LRP1B: variants seen among roughly 807,000 people sequenced by gnomAD.
The protein encoded by LRP1B is low-density lipoprotein receptor-related protein 1B.
A neutral mutation model predicts 556.6 loss-of-function variants in LRP1B; 217 were observed. That is an observed-to-expected ratio of 0.39 (90% CI 0.35 to 0.44). The LOEUF (loss-of-function observed/expected upper bound fraction) is 0.44, where lower values mean the gene tolerates loss of function less well. Ranked by LOEUF, LRP1B falls within the 20% of genes least tolerant of loss-of-function variation. The pLI is 1.00. For synonymous variants in LRP1B, 2,047 were observed against 1,865.8 expected, an observed-to-expected ratio of 1.10 and a Z score of -2.50; for missense variants, 5,053 against 5,620.8, an observed-to-expected ratio of 0.90 and a Z score of 3.23.
chr2:141,125,995 C>A (rs1488613798), intron 7 of LRP1B, among the ~76,000 whole-genome samples: 1 of 151,798 alleles, frequency 6.6e-6, no homozygotes, highest in Non-Finnish European at 1.5e-5. Flanking sequence ...AGGACATGGG[C>A]TTGGCTGAGC....
intron 35 of LRP1B, among the ~76,000 whole-genome samples, chr2:140,718,019 G>A (rs1687271055): frequency 6.6e-6 from 1 of 151,862 alleles, no homozygotes; most frequent in Non-Finnish European, 1.5e-5. Context: ...TTTCATTATT[G>A]TACCAGGGAA....
At chr2:141,590,660 T>C (rs1383002591) in intron 2 of LRP1B, among the ~76,000 whole-genome samples, 1 of 152,176 alleles carries the variant, frequency 6.6e-6, no homozygotes, top group Non-Finnish European at 1.5e-5. Context: ...GGGATTTCAA[T>C]TGACAATCCC....
chr2:142,082,291 CA>C (rs1316718493), intron 1 of LRP1B, among the ~76,000 whole-genome samples: 2 of 152,108 alleles, frequency 1.3e-5, no homozygotes, highest in Non-Finnish European at 2.9e-5. Context: ...TCCACCCTAA[CA>C]AACACAGGCA....
At chr2:140,494,024 T>C (rs4644968) in intron 56 of LRP1B, among the ~76,000 whole-genome samples, 6,165 of 151,834 alleles carry the variant, frequency 0.041, 174 homozygotes, top group Non-Finnish European at 0.047. Context: ...CATGTTCTAC[T>C]TCACTGCTTA....
chr2:141,853,233 A>G (rs1697924649), intron 1 of LRP1B, among the ~76,000 whole-genome samples: 1 of 151,594 alleles, frequency 6.6e-6, no homozygotes. Flanking sequence ...AGGATCATTT[A>G]TTGACGTATC....
Position 141,496,712 on chromosome 2 carries a change from C to G in LRP1B, c.206-16179G>C, listed in dbSNP as rs148186499. On this transcript the variant is annotated intron_variant, in intron 2 of 90. Transcript: ENST00000389484. ...TATGCATTCATAGTCAGGTAAAAAT[C>G]TTCTAAACACTACATAGGAATTTGC... 3.4e-3 allele frequency among the ~76,000 whole-genome samples: 511 copies of G among 151,984 alleles called. 1 individual carries two copies. The highest frequency in any genetic ancestry group is 8.2e-3 in the African/African-American group (340 of 41,490).
chr2:141,417,381 C>T (rs1245862765), intron 3 of LRP1B, among the ~76,000 whole-genome samples: 1 of 152,118 alleles, frequency 6.6e-6, no homozygotes, highest in Non-Finnish European at 1.5e-5. Context: ...TAGCAACTTC[C>T]TATTTCTCTG....
At chr2:141,772,650 G>T (rs534439073) in intron 2 of LRP1B, among the ~76,000 whole-genome samples, 16 of 152,238 alleles carry the variant, frequency 1.1e-4, no homozygotes, top group African/African-American at 3.9e-4. Flanking sequence ...TGCAGAGCAC[G>T]AACAAGCTAC....
chr2:141,167,419 T>C (rs1417744778), intron 7 of LRP1B: 2 of 151,886 alleles, frequency 1.3e-5, no homozygotes, highest in African/African-American at 4.8e-5. Context: ...CGTGTCTATA[T>C]AGATTAACCC....
intron 3 of LRP1B, among the ~76,000 whole-genome samples, chr2:141,371,530 T>C (rs1041533603): frequency 6.6e-6 from 1 of 152,212 alleles, no homozygotes; most frequent in Admixed American, 6.5e-5. Context: ...TCCACTTCTT[T>C]GTGTCATCTA....
intron 2 of LRP1B, among the ~76,000 whole-genome samples, chr2:141,778,428 C>T (rs574289436): frequency 2.0e-5 from 3 of 152,308 alleles, no homozygotes; most frequent in African/African-American, 7.2e-5. Context: ...AGACTCTCCT[C>T]CTTCTAGACA....
At chr2:141,413,747 G>A (rs931554874) in intron 3 of LRP1B, among the ~76,000 whole-genome samples, 1 of 151,768 alleles carries the variant, frequency 6.6e-6, no homozygotes, top group Non-Finnish European at 1.5e-5. Context: ...AGCTAGGCAT[G>A]GTGGTGCATG....
chr2:141,189,375 C>T (rs1681399267), intron 6 of LRP1B, among the ~76,000 whole-genome samples: 1 of 152,000 alleles, frequency 6.6e-6, no homozygotes. Context: ...GACTAGCTGT[C>T]TCACTCATTA....
chr2:140,271,979 A>G (rs1907748), intron 85 of LRP1B, among the ~76,000 whole-genome samples: 1 of 151,392 alleles, frequency 6.6e-6, no homozygotes, highest in Admixed American at 6.6e-5. Flanking sequence ...GATTTTCTAC[A>G]AAAAAAAGAT....
chr2:140,444,194 T>C (rs4992954), intron 65 of LRP1B, 136 bp downstream of exon 65: 913,097 of 917,316 alleles, frequency 1, 454,553 homozygotes, highest in East Asian at 1. Context: ...CCAGTTGGCA[T>C]CTATTTCTAA....
chr2:141,338,983 G>A (rs10496878), intron 3 of LRP1B, among the ~76,000 whole-genome samples: 11,033 of 151,312 alleles, frequency 0.073, 470 homozygotes, highest in African/African-American at 0.12. Flanking sequence ...TATGACAGGC[G>A]TTCATGACTC....
intron 3 of LRP1B, among the ~76,000 whole-genome samples, chr2:141,279,590 T>G (rs1207559800): frequency 6.6e-6 from 1 of 151,924 alleles, no homozygotes; most frequent in Non-Finnish European, 1.5e-5. Flanking sequence ...GCCTTAGGAG[T>G]GTCTGACACA....
At chr2:140,984,027 T>C (rs1047224805) in intron 17 of LRP1B, among the ~76,000 whole-genome samples, 36 of 151,786 alleles carry the variant, frequency 2.4e-4, no homozygotes, top group Admixed American at 2.2e-3. Context: ...ATAATTGTTA[T>C]AAAATTATTT....
In LRP1B at chr2:142,129,584, TTCTCTCTCTCTCTCTCTCTC is replaced by T. The variant is rs56034357; in HGVS notation, c.82+1044_82+1063del. Among the ~76,000 whole-genome samples, 906 of 134,826 alleles carry T rather than the reference TTCTCTCTCTCTCTCTCTCTC, an allele frequency of 6.7e-3. 3 individuals are homozygous for T. Among genetic ancestry groups the T allele is most frequent in the Non-Finnish European group, 7.5e-3 (479 of 63,610 alleles). 88.5% of individuals were successfully genotyped at this position (134,826 alleles called of 152,430 possible). A position where few individuals can be genotyped will look rare whatever the true frequency, so the allele number is the denominator to read the frequency against. ...TTGGGATCTGGGTTTCTTTCTCTCT[TTCTCTCTCTCTCTCTCTCTC>T]TCTCTCTCTCTCTCTCTCTCTCTCT... On this transcript the variant is annotated intron_variant, in intron 1 of 90. Coordinates refer to ENST00000389484, the MANE Select transcript of LRP1B (RefSeq NM_018557.3).
Sources: allele counts gnomAD v4.1 joint callset (sites outside exome capture counted in the v4.1 genomes callset), GRCh38; gene constraint gnomAD v4.1.1; transcripts MANE v1.5; gene names NCBI Gene and HGNC (gene_info 2026-07-23, HGNC 2026-07-21).